The following BCKDHB variants were observed in gnomAD, a reference collection of about 807,000 sequenced individuals.
BCKDHB encodes 2-oxoisovalerate dehydrogenase subunit beta, mitochondrial.
Under a neutral mutation model 48.5 loss-of-function variants are expected in BCKDHB, and 41 were observed. The observed-to-expected ratio is 0.85, with a 90% CI of 0.66 to 1.10. The LOEUF (loss-of-function observed/expected upper bound fraction) is 1.10. Among genes scored for constraint, BCKDHB ranks in the 50% least tolerant of loss-of-function variants. The probability of loss-of-function intolerance (pLI) is 0.00; values close to 1 mark genes in which losing one functional copy is unlikely to be tolerated. For missense variants in BCKDHB, 496 were observed against 494.2 expected (o/e 1.00, Z -0.03); for synonymous variants, 201 against 174.8 (o/e 1.15, Z -1.18).
intron 1 of BCKDHB, among the ~76,000 whole-genome samples, chr6:80,114,060 G>A (rs965915857): frequency 6.6e-6 from 1 of 152,084 alleles, no homozygotes; most frequent in African/African-American, 2.4e-5. Context: ...GGGGCAGGAG[G>A]GTTGCAAAGG....
chr6:80,377,317 C>G, the BCKDHB span, among the ~76,000 whole-genome samples: 1 of 152,192 alleles, frequency 6.6e-6, no homozygotes, highest in African/African-American at 2.4e-5. Flanking sequence ...GCTGGGATTA[C>G]AGGCATGAGC....
At chr6:80,169,905 G>T in intron 5 of BCKDHB, 1 of 1,560,198 alleles carries the variant, frequency 6.4e-7, no homozygotes, top group South Asian at 1.2e-5. Flanking sequence ...CATGTGCGAG[G>T]CAAGTTATTT....
intron 3 of BCKDHB, among the ~76,000 whole-genome samples, chr6:80,158,465 A>G (rs1483711576): frequency 1.3e-5 from 2 of 152,186 alleles, no homozygotes; most frequent in Non-Finnish European, 2.9e-5. Context: ...AATTATAATT[A>G]TAGGTAAACT....
intron 8 of BCKDHB, among the ~76,000 whole-genome samples, chr6:80,220,918 A>T (rs1290738562): frequency 4.0e-5 from 6 of 151,682 alleles, no homozygotes; most frequent in African/African-American, 1.2e-4. Context: ...TATTTTTAGT[A>T]GAGACAGGGT....
chr6:80,331,609 T>G (rs533797813), intron 9 of BCKDHB, among the ~76,000 whole-genome samples: 1 of 152,212 alleles, frequency 6.6e-6, no homozygotes, highest in Non-Finnish European at 1.5e-5. Flanking sequence ...ACAGCACTCA[T>G]CTATAATACT....
At chr6:80,130,490 G>A (rs1482653312) in intron 3 of BCKDHB, among the ~76,000 whole-genome samples, 7 of 151,918 alleles carry the variant, frequency 4.6e-5, no homozygotes, top group Non-Finnish European at 1.5e-5. Context: ...TCCATTTATA[G>A]CAGGTTGAGT....
chr6:80,239,429 G>T (rs150578092), intron 8 of BCKDHB, among the ~76,000 whole-genome samples: 6 of 151,964 alleles, frequency 3.9e-5, no homozygotes, highest in Non-Finnish European at 7.4e-5. Context: ...CATATCCTTC[G>T]CCCACTTTTT....
the BCKDHB span, among the ~76,000 whole-genome samples, chr6:80,370,812 A>G: frequency 1.8e-4 from 19 of 108,408 alleles, no homozygotes; most frequent in African/African-American, 5.1e-4. Flanking sequence ...GTGTGTGTAT[A>G]TATATATGTG....
chr6:80,321,715 A>G (rs1257173948), intron 9 of BCKDHB, among the ~76,000 whole-genome samples: 1 of 152,220 alleles, frequency 6.6e-6, no homozygotes, highest in East Asian at 1.9e-4. Context: ...ATCCCAACTA[A>G]TATGAAACAG....
intron 9 of BCKDHB, 55 bp from the exon 10 acceptor site, chr6:80,343,605 ATTTC>A: frequency 6.4e-7 from 1 of 1,567,908 alleles, no homozygotes; most frequent in East Asian, 2.2e-5. Flanking sequence ...AAGTTGCACT[ATTTC>A]ATTTCTGTGA....
intron 2 of BCKDHB, 116 bp from the exon 3 acceptor site, chr6:80,129,045 A>G (rs547779991): frequency 5.1e-6 from 4 of 776,854 alleles, no homozygotes; most frequent in South Asian, 1.8e-5. Context: ...ATCGAGATCT[A>G]TGGTCCATTT....
intron 8 of BCKDHB, among the ~76,000 whole-genome samples, chr6:80,218,876 A>G (rs1775289511): frequency 6.6e-6 from 1 of 152,204 alleles, no homozygotes; most frequent in Admixed American, 6.5e-5. Context: ...AAAGCAGTAC[A>G]CACTGTTAAT....
chr6:80,281,795 G>A (rs1326481773), intron 9 of BCKDHB, among the ~76,000 whole-genome samples: 1 of 151,400 alleles, frequency 6.6e-6, no homozygotes, highest in Non-Finnish European at 1.5e-5. Context: ...TCTAGCAGTC[G>A]GTTTTTAAAC....
chr6:80,142,500 A>G (rs555227450), intron 3 of BCKDHB, among the ~76,000 whole-genome samples: 2 of 152,144 alleles, frequency 1.3e-5, no homozygotes, highest in East Asian at 3.9e-4. Context: ...ATCTAATAAT[A>G]CCTTTTAGAA....
At chr6:80,245,608 A>G (rs1053255743) in intron 8 of BCKDHB, among the ~76,000 whole-genome samples, 2 of 152,228 alleles carry the variant, frequency 1.3e-5, no homozygotes, top group Non-Finnish European at 2.9e-5. Context: ...TAGAATAACC[A>G]GAATAGCAAA....
At chr6:80,429,538 T>C in the BCKDHB span, among the ~76,000 whole-genome samples, 1 of 152,230 alleles carries the variant, frequency 6.6e-6, no homozygotes, top group African/African-American at 2.4e-5. Context: ...TTGTGCCCTC[T>C]CTTATTTCCT....
chr6:80,308,993 T>C (rs1034235762), intron 9 of BCKDHB, among the ~76,000 whole-genome samples: 3 of 152,170 alleles, frequency 2.0e-5, no homozygotes, highest in African/African-American at 7.2e-5. Flanking sequence ...TATTATTTGC[T>C]ATAAAATATT....
At chr6:80,452,927 C>A in the BCKDHB span, among the ~76,000 whole-genome samples, 1 of 151,914 alleles carries the variant, frequency 6.6e-6, no homozygotes, top group African/African-American at 2.4e-5. Context: ...TTAGTGCCGT[C>A]TTCTTGTCTG....
At chr6:80,384,086 G>A in the BCKDHB span, among the ~76,000 whole-genome samples, 2 of 151,962 alleles carry the variant, frequency 1.3e-5, no homozygotes, top group East Asian at 3.9e-4. Flanking sequence ...CAACTTGATC[G>A]GATTGAAGGA....
Sources: gnomAD v4.1 joint callset for allele counts (sites outside exome capture counted in the v4.1 genomes callset) on GRCh38, gnomAD v4.1.1 for gene constraint, MANE v1.5 for transcripts, NCBI Gene and HGNC (gene_info 2026-07-23, HGNC 2026-07-21) for gene names.